Variants in IQSEC1 observed in about 807,000 individuals in gnomAD.
IQSEC1 encodes IQ motif and SEC7 domain-containing protein 1.
IQSEC1 carries 31 observed loss-of-function variants against 91.0 expected under a neutral mutation model. The observed-to-expected ratio is 0.34, with a 90% confidence interval of 0.26 to 0.46. The LOEUF (loss-of-function observed/expected upper bound fraction) is 0.46. Ranked by LOEUF, IQSEC1 falls within the 20% of genes least tolerant of loss-of-function variation. The pLI is 1.00. For synonymous variants in IQSEC1, 699 were observed against 662.6 expected (o/e 1.05, Z -0.84); for missense variants, 1,388 against 1,575.6 (o/e 0.88, Z 2.02).
chr3:13,048,659 C>A (rs67379035), intron 1 of IQSEC1, among the ~76,000 whole-genome samples: 18,944 of 152,268 alleles, frequency 0.12, 1,504 homozygotes, highest in East Asian at 0.24. Flanking sequence ...TGGACACACC[C>A]CTGGAAGGAG....
At chr3:13,256,246 C>G (rs1166582813) in intron 1 of IQSEC1, among the ~76,000 whole-genome samples, 1 of 152,072 alleles carries the variant, frequency 6.6e-6, no homozygotes, top group Non-Finnish European at 1.5e-5. Flanking sequence ...GTGCACTGTC[C>G]ACGACATGTT....
At chr3:12,931,510 G>A (rs117748396) in intron 3 of IQSEC1, among the ~76,000 whole-genome samples, 147 of 152,348 alleles carry the variant, frequency 9.6e-4, no homozygotes, top group East Asian at 5.4e-3. Flanking sequence ...GGGGCCTGGC[G>A]CTTGGTCCAG....
At chr3:13,221,732 G>A (rs1240483214) in intron 1 of IQSEC1, among the ~76,000 whole-genome samples, 1 of 152,258 alleles carries the variant, frequency 6.6e-6, no homozygotes, top group Non-Finnish European at 1.5e-5. Context: ...GTATCACAGA[G>A]GCCGGGCCTC....
chr3:12,972,199 T>C (rs1700938581), intron 1 of IQSEC1, among the ~76,000 whole-genome samples: 1 of 151,254 alleles, frequency 6.6e-6, no homozygotes, highest in Admixed American at 6.6e-5. Flanking sequence ...TAGTCGCAGC[T>C]ACTCAGGAGG....
intron 2 of IQSEC1, among the ~76,000 whole-genome samples, chr3:13,148,454 G>A (rs1233729906): frequency 6.6e-6 from 1 of 152,202 alleles, no homozygotes; most frequent in African/African-American, 2.4e-5. Flanking sequence ...GGAGTCTTGA[G>A]GGAGGGTCCA....
At chr3:13,061,132 AC>A (rs1705053304) in intron 1 of IQSEC1, among the ~76,000 whole-genome samples, 1 of 151,842 alleles carries the variant, frequency 6.6e-6, no homozygotes, top group African/African-American at 2.4e-5. Flanking sequence ...TTGCTCAGGA[AC>A]CCCCTGTGCA....
chr3:13,261,632 G>C (rs1336726641), intron 1 of IQSEC1, among the ~76,000 whole-genome samples: 4 of 151,876 alleles, frequency 2.6e-5, no homozygotes, highest in Admixed American at 1.3e-4. Flanking sequence ...CAAGGAGCTG[G>C]TGACCAAGCA....
At chr3:13,105,977 T>C (rs977334965) in intron 2 of IQSEC1, among the ~76,000 whole-genome samples, 15 of 152,238 alleles carry the variant, frequency 9.9e-5, no homozygotes, top group African/African-American at 2.4e-5. Context: ...CTTCTCTCCA[T>C]AGCTGAGAAA....
intron 1 of IQSEC1, among the ~76,000 whole-genome samples, chr3:13,059,071 C>A (rs1704977403): frequency 6.6e-6 from 1 of 152,090 alleles, no homozygotes; most frequent in African/African-American, 2.4e-5. Flanking sequence ...TCTTCCTGGG[C>A]TCCCTCCACC....
chr3:13,010,711 A>C (rs2124907690), intron 1 of IQSEC1, among the ~76,000 whole-genome samples: 1 of 152,156 alleles, frequency 6.6e-6, no homozygotes, highest in East Asian at 1.9e-4. Context: ...AATCAACCAA[A>C]CAAATACTGG....
chr3:13,125,495 T>C (rs1706498388), intron 2 of IQSEC1, among the ~76,000 whole-genome samples: 2 of 152,332 alleles, frequency 1.3e-5, no homozygotes, highest in Admixed American at 1.3e-4. Context: ...GCTTGGGCAG[T>C]GCTGGAGGTG....
chr3:13,163,801 C>T (rs1426855138), intron 2 of IQSEC1, among the ~76,000 whole-genome samples: 2 of 151,992 alleles, frequency 1.3e-5, no homozygotes, highest in African/African-American at 4.8e-5. Flanking sequence ...ACAGCCTTGG[C>T]ACACTGGGCC....
intron 1 of IQSEC1, among the ~76,000 whole-genome samples, chr3:13,206,583 G>T (rs1292939665): frequency 6.6e-6 from 1 of 152,160 alleles, no homozygotes; most frequent in African/African-American, 2.4e-5. Context: ...TTACACATGA[G>T]CTATGCCTTA....
chr3:13,131,372 G>T (rs1706612684), intron 2 of IQSEC1, among the ~76,000 whole-genome samples: 2 of 110,542 alleles, frequency 1.8e-5, no homozygotes, highest in African/African-American at 4.8e-5. Context: ...TTAAAAAGTG[G>T]TTCTTACTTA....
chr3:13,092,792 G>C (rs1316067091), intron 2 of IQSEC1, among the ~76,000 whole-genome samples: 2 of 152,192 alleles, frequency 1.3e-5, no homozygotes, highest in African/African-American at 4.8e-5. Flanking sequence ...CCACCTTGCA[G>C]GGTTCCTGTC....
At position 12,900,428 on chromosome 3, in the gene IQSEC1, C is replaced by G. The variant is rs1453186541; in HGVS notation, c.*555G>C. The G allele has an allele frequency of 1.0e-6, 1 of 963,138 alleles. No individual in the cohort carries two copies. The highest frequency in any genetic ancestry group is 1.2e-6 in the Non-Finnish European group (1 of 811,168). The allele number at this position is 963,138 out of a possible 1,614,324, so 59.7% of individuals were successfully genotyped here. On this transcript the variant is annotated 3_prime_UTR_variant, in exon 14 of 14. Coordinates refer to ENST00000613206, the MANE Select transcript of IQSEC1 (RefSeq NM_001134382.3). ...AATGTGGACTGAAACGCCTGCCTTTCACACACAAGTACTACCTATACAGTA... is the reference window on the plus strand; with the variant it reads ...AATGTGGACTGAAACGCCTGCCTTTGACACACAAGTACTACCTATACAGTA...
intron 2 of IQSEC1, among the ~76,000 whole-genome samples, chr3:13,162,632 A>G (rs1707197874): frequency 6.6e-6 from 1 of 152,208 alleles, no homozygotes; most frequent in South Asian, 2.1e-4. Flanking sequence ...CTGACAAATT[A>G]AATAAGAATA....
At chr3:12,949,223 T>A (rs1216072640) in intron 1 of IQSEC1, among the ~76,000 whole-genome samples, 1 of 152,224 alleles carries the variant, frequency 6.6e-6, no homozygotes, top group Non-Finnish European at 1.5e-5. Context: ...TGCTGGCAGC[T>A]TGGACAGGGC....
At chr3:13,137,441 G>A (rs1399640461) in intron 2 of IQSEC1, among the ~76,000 whole-genome samples, 1 of 152,196 alleles carries the variant, frequency 6.6e-6, no homozygotes, top group Non-Finnish European at 1.5e-5. Flanking sequence ...AGAAGGCTGC[G>A]TATGGTACAC....
Sources: allele counts gnomAD v4.1 joint callset (sites outside exome capture counted in the v4.1 genomes callset), GRCh38; gene constraint gnomAD v4.1.1; transcripts MANE v1.5; gene names NCBI Gene and HGNC (gene_info 2026-07-23, HGNC 2026-07-21).